NRXN3: variants seen among roughly 807,000 people sequenced by gnomAD.
NRXN3 encodes neurexin III.
A neutral mutation model predicts 137.6 loss-of-function variants in NRXN3; 32 were observed. The observed-to-expected ratio is 0.23, with a 90% CI of 0.18 to 0.31. The LOEUF is 0.31. NRXN3 is among the 10% of genes least tolerant of loss of function. The pLI, the probability that NRXN3 is intolerant of heterozygous loss-of-function variation, is 1.00. For synonymous variants in NRXN3, 798 were observed against 784.5 expected, an observed-to-expected ratio of 1.02 and a Z score of -0.29; for missense variants, 1,574 against 2,062.5, an observed-to-expected ratio of 0.76 and a Z score of 4.59.
At chr14:79,179,500 C>T (rs2062695536) in intron 15 of NRXN3, among the ~76,000 whole-genome samples, 1 of 152,134 alleles carries the variant, frequency 6.6e-6, no homozygotes, top group Non-Finnish European at 1.5e-5. Context: ...TAGCAAATTC[C>T]CAGTTCCCAC....
At chr14:78,313,665 T>C (rs10873315) in intron 4 of NRXN3, among the ~76,000 whole-genome samples, 36,355 of 151,936 alleles carry the variant, frequency 0.24, 4,749 homozygotes, top group Middle Eastern at 0.32. Context: ...GAGGTGACAC[T>C]ACTATATACG....
chr14:79,770,404 C>G (rs2099073321), intron 19 of NRXN3, among the ~76,000 whole-genome samples: 1 of 143,654 alleles, frequency 7.0e-6, no homozygotes, highest in South Asian at 2.3e-4. Flanking sequence ...TGTAAAAGAA[C>G]AGAAATTATA....
chr14:78,493,563 TAAAA>T (rs1048934593), intron 4 of NRXN3, among the ~76,000 whole-genome samples: 28 of 132,192 alleles, frequency 2.1e-4, no homozygotes, highest in Admixed American at 6.9e-4. Context: ...AATAAATAAA[TAAAA>T]AGAATTAGCC....
At position 79,384,094 on chromosome 14, in the gene NRXN3, C is replaced by A. The variant is rs140347436; in HGVS notation, c.3263-83127C>A. On this transcript the variant is annotated intron_variant, in intron 15 of 20. Transcript: ENST00000335750. ...TTTTTGCAAGCCAGAAATTGTCAGGCACCTCCCCCACTCCCACTTCTTATT... is the reference window on the plus strand; with the variant it reads ...TTTTTGCAAGCCAGAAATTGTCAGGAACCTCCCCCACTCCCACTTCTTATT... Among the ~76,000 whole-genome samples, 54 of 152,254 alleles carry A rather than the reference C, an allele frequency of 3.5e-4. No individual in the cohort carries two copies. The Middle Eastern group carries it at 0.014, about 38-fold the overall frequency.
intron 4 of NRXN3, among the ~76,000 whole-genome samples, chr14:78,321,645 G>T (rs1219352056): frequency 6.6e-6 from 1 of 152,050 alleles, no homozygotes; most frequent in African/African-American, 2.4e-5. Flanking sequence ...TCTGTCTTCA[G>T]TCATCAAGGT....
intron 10 of NRXN3, among the ~76,000 whole-genome samples, chr14:78,953,397 A>G (rs1257812839): frequency 6.6e-6 from 1 of 152,226 alleles, no homozygotes; most frequent in Non-Finnish European, 1.5e-5. Flanking sequence ...AGTGTATTTC[A>G]TCCATGATAT....
At position 79,823,737 on chromosome 14, in the gene NRXN3, C is replaced by T. The variant is rs370311180; in HGVS notation, c.4093+18547C>T. On this transcript the variant is annotated intron_variant, in intron 20 of 20. Coordinates refer to ENST00000335750, the MANE Select transcript of NRXN3 (RefSeq NM_001330195.2). ...TTAGATACGGAAGCTTCGCCAGACC[C>T]GTAATTTTTTAAAAATAGTGAATCC... is the stretch of plus-strand genomic sequence containing the variant. 1.1e-4 allele frequency among the ~76,000 whole-genome samples: 17 copies of T among 152,164 alleles called. No individual in the cohort carries two copies. The South Asian group carries it at 2.9e-3, about 26-fold the overall frequency.
intron 4 of NRXN3, among the ~76,000 whole-genome samples, chr14:78,624,475 G>A (rs1202562038): frequency 6.6e-6 from 1 of 152,234 alleles, no homozygotes; most frequent in African/African-American, 2.4e-5. Flanking sequence ...CTGAGAGCTG[G>A]CATGGCAAGA....
intron 15 of NRXN3, among the ~76,000 whole-genome samples, chr14:79,238,493 A>G (rs1006814129): frequency 1.3e-5 from 2 of 152,076 alleles, no homozygotes; most frequent in Non-Finnish European, 2.9e-5. Flanking sequence ...TCTAATAGTT[A>G]TCACTAGTTG....
At chr14:78,261,964 T>A (rs1415441762) in intron 2 of NRXN3, among the ~76,000 whole-genome samples, 5 of 152,334 alleles carry the variant, frequency 3.3e-5, no homozygotes, top group East Asian at 1.9e-4. Context: ...GGATTTTTTT[T>A]ATGGAAAACA....
intron 15 of NRXN3, among the ~76,000 whole-genome samples, chr14:79,361,543 C>A (rs547236578): frequency 1.6e-4 from 24 of 152,068 alleles, no homozygotes; most frequent in African/African-American, 5.3e-4. Context: ...ATGGTGACAC[C>A]CCGTCTCTAT....
intron 17 of NRXN3, among the ~76,000 whole-genome samples, chr14:79,670,295 T>C (rs2098599933): frequency 6.6e-6 from 1 of 152,040 alleles, no homozygotes; most frequent in African/African-American, 2.4e-5. Context: ...ATCACAGGGA[T>C]AATAACTCCA....
chr14:79,614,696 C>T (rs79916960), intron 16 of NRXN3, among the ~76,000 whole-genome samples: 1 of 151,346 alleles, frequency 6.6e-6, no homozygotes, highest in Non-Finnish European at 1.5e-5. Flanking sequence ...CTCCTGTGCC[C>T]AGCAAAATGT....
At chr14:79,607,311 A>C (rs2098033462) in intron 16 of NRXN3, among the ~76,000 whole-genome samples, 1 of 152,264 alleles carries the variant, frequency 6.6e-6, no homozygotes. Context: ...GGTGTTAAAC[A>C]GAACCTTTCT....
chr14:79,839,081 G>A (rs764645350), intron 20 of NRXN3, among the ~76,000 whole-genome samples: 58 of 152,154 alleles, frequency 3.8e-4, no homozygotes, highest in Non-Finnish European at 1.6e-4. Context: ...AACAAAATGA[G>A]AAGTAGACAG....
At position 79,493,112 on chromosome 14, in the gene NRXN3, T is replaced by G. The variant is rs112729264; in HGVS notation, c.3444+25710T>G. The stretch of plus-strand genomic sequence containing the variant: ...ATTAATTCAAGTTGGGACACAGAAG[T>G]TGGCATTGTGAAGATTTTTAAATTC... On this transcript the variant is annotated intron_variant, in intron 16 of 20. Coordinates refer to ENST00000335750, the MANE Select transcript of NRXN3 (RefSeq NM_001330195.2). 5.3e-5 allele frequency among the ~76,000 whole-genome samples: 8 copies of G among 152,318 alleles called. 2 individuals are homozygous for G. The highest frequency in any genetic ancestry group is 1.9e-4 in the African/African-American group (8 of 41,578).
At chr14:79,722,907 A>G (rs911076862) in intron 19 of NRXN3, among the ~76,000 whole-genome samples, 3 of 152,150 alleles carry the variant, frequency 2.0e-5, no homozygotes, top group Non-Finnish European at 4.4e-5. Context: ...ACAACATAAG[A>G]AATTATCAAT....
chr14:79,766,007 T>A (rs781112873), intron 19 of NRXN3, among the ~76,000 whole-genome samples: 3 of 152,252 alleles, frequency 2.0e-5, no homozygotes, highest in African/African-American at 7.2e-5. Flanking sequence ...TTAAACATCA[T>A]ATATAAAATT....
At chr14:79,154,787 G>A (rs1350707922) in intron 15 of NRXN3, among the ~76,000 whole-genome samples, 1 of 151,934 alleles carries the variant, frequency 6.6e-6, no homozygotes, top group Non-Finnish European at 1.5e-5. Context: ...TAAACTACTT[G>A]ATAGTCTTAT....
Sources: allele counts gnomAD v4.1 joint callset (sites outside exome capture counted in the v4.1 genomes callset), GRCh38; gene constraint gnomAD v4.1.1; transcripts MANE v1.5; gene names NCBI Gene and HGNC (gene_info 2026-07-23, HGNC 2026-07-21).